CSMD2: variants seen among roughly 807,000 people sequenced by gnomAD.
The protein encoded by CSMD2 is CUB and sushi domain-containing protein 2.
A neutral mutation model predicts 398.5 loss-of-function variants in CSMD2; 130 were observed. The observed-to-expected ratio is 0.33, with a 90% CI of 0.28 to 0.38. The LOEUF (loss-of-function observed/expected upper bound fraction) is 0.38. Ranked by LOEUF, CSMD2 falls within the 10% of genes least tolerant of loss-of-function variation. The pLI, the probability that CSMD2 is intolerant of heterozygous loss-of-function variation, is 1.00. For missense variants in CSMD2, 3,829 were observed against 4,764.9 expected (o/e 0.80, Z 5.78); for synonymous variants, 1,828 against 1,908.5 (o/e 0.96, Z 1.10).
chr1:33,843,373 A>G (rs1434036927), intron 6 of CSMD2, among the ~76,000 whole-genome samples: 1 of 152,186 alleles, frequency 6.6e-6, no homozygotes, highest in Non-Finnish European at 1.5e-5. Flanking sequence ...AATATAATGT[A>G]CTATGTTGTA....
chr1:33,537,571 T>C lies in CSMD2; in HGVS notation c.9670A>G (p.Arg3224Gly). The C allele has an allele frequency of 6.2e-7, 1 of 1,614,022 alleles. No individual in the cohort carries two copies. Among genetic ancestry groups the C allele is most frequent in the Non-Finnish European group, 8.5e-7 (1 of 1,179,970 alleles). The change falls in exon 61 of 71, where the codon AGG becomes GGG. Residue 3224 changes from arginine to glycine, a missense_variant. By Grantham distance (125) the Arg-to-Gly change is moderately radical. Transcript: ENST00000373381. This position sits in a 1 kb window ranked among gnomAD's most constrained non-coding sequence, Gnocchi z 4.6. ...TAGGAGAAGCCTCGGTCCTCTCTCC[T>C]CCCACGGGACGGGACACCAGGATCC... ...CGDPGVPSRG[R>G]REDRGFSYRS...
chr1:33,774,107 TTGTG>T (rs61454614), intron 12 of CSMD2, among the ~76,000 whole-genome samples: 5,283 of 141,580 alleles, frequency 0.037, 102 homozygotes, highest in Middle Eastern at 0.06. Context: ...ATGGCTGGGA[TTGTG>T]TGTGTGTGTG....
chr1:34,050,711 C>T (rs921480668), intron 2 of CSMD2, among the ~76,000 whole-genome samples: 36 of 152,312 alleles, frequency 2.4e-4, no homozygotes, highest in Admixed American at 6.5e-4. Context: ...GGAGTAGCTC[C>T]ACTTACTATT....
At chr1:34,153,750 G>A (rs1376048465) in intron 1 of CSMD2, among the ~76,000 whole-genome samples, 1 of 152,190 alleles carries the variant, frequency 6.6e-6, no homozygotes, top group African/African-American at 2.4e-5. Context: ...TGGATGGACA[G>A]GAAGGTTCTA....
chr1:33,993,850 G>C (rs868201917), intron 3 of CSMD2, among the ~76,000 whole-genome samples: 1 of 152,020 alleles, frequency 6.6e-6, no homozygotes, highest in Non-Finnish European at 1.5e-5. Context: ...TGTTTGCAGT[G>C]GCCTCCCCTG....
chr1:34,078,155 T>C (rs544334014), intron 2 of CSMD2, among the ~76,000 whole-genome samples: 1 of 151,210 alleles, frequency 6.6e-6, no homozygotes, highest in Non-Finnish European at 1.5e-5. Context: ...TTTTAGACAA[T>C]AAACATGGAA....
At chr1:33,953,609 G>C (rs534188414) in intron 3 of CSMD2, among the ~76,000 whole-genome samples, 7 of 152,120 alleles carry the variant, frequency 4.6e-5, no homozygotes, top group Non-Finnish European at 7.3e-5. Flanking sequence ...TTGGAGTCAG[G>C]GATCTTTTGA....
intron 26 of CSMD2, among the ~76,000 whole-genome samples, chr1:33,659,411 C>G (rs1644055338): frequency 6.6e-6 from 1 of 152,236 alleles, no homozygotes; most frequent in African/African-American, 2.4e-5. Context: ...TATGTCATCC[C>G]TCATAGCCTG....
At chr1:33,549,354 A>C (rs1570697271) in intron 56 of CSMD2, among the ~76,000 whole-genome samples, 1 of 152,190 alleles carries the variant, frequency 6.6e-6, no homozygotes, top group East Asian at 1.9e-4. Context: ...TCCCTCTTGC[A>C]GGCAACATGG....
chr1:33,875,976 C>T (rs1040805401), intron 5 of CSMD2, among the ~76,000 whole-genome samples: 22 of 152,180 alleles, frequency 1.4e-4, no homozygotes, highest in African/African-American at 5.3e-4. Context: ...CAGGAGAACC[C>T]CAAGGTCTAG....
At chr1:34,091,120 A>C (rs1401477680) in intron 1 of CSMD2, among the ~76,000 whole-genome samples, 1 of 152,106 alleles carries the variant, frequency 6.6e-6, no homozygotes, top group Admixed American at 6.5e-5. Context: ...GGTGGTACTT[A>C]TTATAAAAGT....
chr1:33,835,714 C>CA lies in CSMD2; in HGVS notation c.1034-9941dup, dbSNP rs113819483. The stretch of plus-strand genomic sequence containing the variant: ...AAAAAAAACAAACAAAAATACATTT[C>CA]AAAAAAAAAAAGGACTTCTCTGCAT... On this transcript the variant is annotated intron_variant, in intron 6 of 70. Coordinates refer to ENST00000373381, the MANE Select transcript of CSMD2 (RefSeq NM_001281956.2). 6.9e-3 allele frequency among the ~76,000 whole-genome samples: 935 copies of CA among 135,146 alleles called. 12 individuals carry two copies. Among genetic ancestry groups the CA allele is most frequent in the African/African-American group, 0.024 (851 of 35,694 alleles). 88.7% of individuals were successfully genotyped at this position (135,146 alleles called of 152,430 possible).
Position 33,836,729 on chromosome 1 carries a change from G to A in CSMD2, c.1033+10155C>T, listed in dbSNP as rs547458754. 2.0e-5 allele frequency among the ~76,000 whole-genome samples: 3 copies of A among 152,298 alleles called. No individual in the cohort carries two copies. In the East Asian group the frequency reaches 5.8e-4, roughly 29 times the overall value. On this transcript the variant is annotated intron_variant, in intron 6 of 70. Transcript: ENST00000373381. ...TGTCGGAAAAGCACATTATTAGGGTGGGAGTGACCCGATTTTCCAGGTGCC... is the reference window on the plus strand; with the variant it reads ...TGTCGGAAAAGCACATTATTAGGGTAGGAGTGACCCGATTTTCCAGGTGCC...
intron 25 of CSMD2, among the ~76,000 whole-genome samples, chr1:33,665,956 T>C (rs1644303441): frequency 6.6e-6 from 1 of 152,198 alleles, no homozygotes; most frequent in South Asian, 2.1e-4. Flanking sequence ...TTGCCTAAGA[T>C]GTATCTGACA....
At chr1:33,557,301 T>A (rs1227032138) in intron 55 of CSMD2, among the ~76,000 whole-genome samples, 1 of 152,194 alleles carries the variant, frequency 6.6e-6, no homozygotes, top group African/African-American at 2.4e-5. Context: ...CCAGTCCAAG[T>A]TGGTCTGCCT....
At chr1:33,880,205 A>G (rs544358626) in intron 5 of CSMD2, among the ~76,000 whole-genome samples, 2 of 152,318 alleles carry the variant, frequency 1.3e-5, no homozygotes, top group East Asian at 1.9e-4. Context: ...GAATGAGTGT[A>G]TGGCTCCCAA....
At chr1:33,525,636 T>C (rs895401125) in intron 65 of CSMD2, among the ~76,000 whole-genome samples, 4 of 152,186 alleles carry the variant, frequency 2.6e-5, no homozygotes, top group Non-Finnish European at 4.4e-5. Flanking sequence ...CTGCATGGCA[T>C]AGTGACTATA....
Position 33,725,503 on chromosome 1 carries a change from T to A in CSMD2, c.2541A>T (p.Glu847Asp). 6.2e-7 allele frequency: 1 copy of A among 1,614,210 alleles called. No individual in the cohort carries two copies. Among genetic ancestry groups the A allele is most frequent in the Non-Finnish European group, 8.5e-7 (1 of 1,180,026 alleles). The change falls in exon 17 of 71, where the codon GAA becomes GAT. Residue 847 changes from glutamate to aspartate, a missense_variant. Glu to Asp is a conservative substitution (Grantham distance 45). This residue lies in a region of CSMD2 where 2,001 missense variants were observed against 2,567.1 expected (regional missense o/e 0.78). Coordinates refer to ENST00000373381, the MANE Select transcript of CSMD2 (RefSeq NM_001281956.2). ...CTGAGTAAGTCCGCCCATCGCGTACTTCCAGGGTGTCATAGTTGACCTCGG... is the reference window on the plus strand; with the variant it reads ...CTGAGTAAGTCCGCCCATCGCGTACATCCAGGGTGTCATAGTTGACCTCGG... ...FKTEVNYDTL[E>D]VRDGRTYSAP...
At chr1:33,608,355 C>A (rs577750656) in intron 41 of CSMD2, among the ~76,000 whole-genome samples, 1 of 152,078 alleles carries the variant, frequency 6.6e-6, no homozygotes, top group African/African-American at 2.4e-5. Context: ...GCACAGTGCA[C>A]GGGGTGGGCC....
Sources: allele counts gnomAD v4.1 joint callset (sites outside exome capture counted in the v4.1 genomes callset), GRCh38; gene constraint gnomAD v4.1.1; regional missense constraint gnomAD v4.1.1; non-coding constraint Gnocchi (gnomAD v3.1); transcripts MANE v1.5; gene names NCBI Gene and HGNC (gene_info 2026-07-23, HGNC 2026-07-21).